The following RTN4RL1 variants were observed in gnomAD, a reference collection of about 807,000 sequenced individuals.
RTN4RL1 encodes the protein reticulon-4 receptor-like 1.
A neutral mutation model predicts 25.6 loss-of-function variants in RTN4RL1; 7 were observed. The ratio of observed to expected loss-of-function variants is 0.27; its 90% CI spans 0.16 to 0.51. The LOEUF is 0.51. RTN4RL1 is among the 20% of genes least tolerant of loss of function. RTN4RL1 has a pLI of 0.97. For missense variants in RTN4RL1, 500 were observed against 615.6 expected (o/e 0.81, Z 1.99); for synonymous variants, 297 against 288.2 (o/e 1.03, Z -0.31).
At chr17:1,980,523 G>C (rs1026103132) in intron 1 of RTN4RL1, among the ~76,000 whole-genome samples, 4 of 151,882 alleles carry the variant, frequency 2.6e-5, no homozygotes, top group Non-Finnish European at 5.9e-5. Flanking sequence ...CTCTGCCCTG[G>C]GTATTTGCCT....
intron 1 of RTN4RL1, among the ~76,000 whole-genome samples, chr17:1,943,190 A>T (rs910230027): frequency 6.6e-6 from 1 of 152,218 alleles, no homozygotes; most frequent in Non-Finnish European, 1.5e-5. Context: ...ACAAAGGAGG[A>T]AACGAGGCCC....
chr17:1,963,538 G>A (rs899761955), intron 1 of RTN4RL1, among the ~76,000 whole-genome samples: 1 of 152,204 alleles, frequency 6.6e-6, no homozygotes, highest in African/African-American at 2.4e-5. Flanking sequence ...CTGCCTCTGG[G>A]CTGTGTCCAC....
chr17:2,001,334 T>G (rs565504063), intron 1 of RTN4RL1: 1 of 152,142 alleles, frequency 6.6e-6, no homozygotes, highest in African/African-American at 2.4e-5. Flanking sequence ...AAGCTCCGCC[T>G]CCGGGTTCAC....
chr17:1,993,762 G>A (rs1396622874), intron 1 of RTN4RL1, among the ~76,000 whole-genome samples: 1 of 151,374 alleles, frequency 6.6e-6, no homozygotes, highest in Non-Finnish European at 1.5e-5. Flanking sequence ...GTTGGTTAGG[G>A]TGCCATCGCG....
chr17:1,950,096 A>AAGTGAGCAGAAGCTCACT (rs1396104951), intron 1 of RTN4RL1, among the ~76,000 whole-genome samples: 1 of 152,030 alleles, frequency 6.6e-6, no homozygotes, highest in South Asian at 2.1e-4. Context: ...GTCACTGAAG[A>AAGTGAGCAGAAGCTCACT]GCCCGGGGCG....
At chr17:2,005,000 A>G (rs2066983602) in intron 1 of RTN4RL1, among the ~76,000 whole-genome samples, 1 of 152,132 alleles carries the variant, frequency 6.6e-6, no homozygotes, top group African/African-American at 2.4e-5. Flanking sequence ...AGCTTTTTAA[A>G]TTTTTATTTA....
chr17:1,970,023 T>A (rs1007061267), intron 1 of RTN4RL1, among the ~76,000 whole-genome samples: 1 of 150,184 alleles, frequency 6.7e-6, no homozygotes, highest in Non-Finnish European at 1.5e-5. Flanking sequence ...CTCTCTCTTT[T>A]TTTTTTTTTT....
At chr17:2,001,819 G>A (rs900676271) in intron 1 of RTN4RL1, among the ~76,000 whole-genome samples, 1 of 152,278 alleles carries the variant, frequency 6.6e-6, no homozygotes, top group African/African-American at 2.4e-5. Flanking sequence ...GATGGGCTGC[G>A]GGAAGGGGTG....
chr17:1,961,838 C>T (rs62069174), intron 1 of RTN4RL1, among the ~76,000 whole-genome samples: 29,477 of 140,544 alleles, frequency 0.21, 3,507 homozygotes, highest in Middle Eastern at 0.33. Context: ...ATCCCAGCTA[C>T]TTGGGAGGCT....
chr17:1,992,047 G>T (rs567106186), intron 1 of RTN4RL1, among the ~76,000 whole-genome samples: 3 of 150,878 alleles, frequency 2.0e-5, no homozygotes, highest in East Asian at 3.9e-4. Flanking sequence ...CCACGTAGGA[G>T]CAAGGGTTGG....
At chr17:1,997,826 T>G (rs1431815272) in intron 1 of RTN4RL1, among the ~76,000 whole-genome samples, 1 of 151,678 alleles carries the variant, frequency 6.6e-6, no homozygotes, top group Non-Finnish European at 1.5e-5. Context: ...TTCACAGCCC[T>G]CCTACTCGGG....
At chr17:1,970,147 A>G (rs1316920334) in intron 1 of RTN4RL1, among the ~76,000 whole-genome samples, 1 of 151,156 alleles carries the variant, frequency 6.6e-6, no homozygotes, top group African/African-American at 2.4e-5. Flanking sequence ...TCAGCCTCCC[A>G]AGTAGCTGGG....
chr17:2,021,826 A>AT (rs2067209126), intron 1 of RTN4RL1, among the ~76,000 whole-genome samples: 1 of 137,460 alleles, frequency 7.3e-6, no homozygotes, highest in Non-Finnish European at 1.6e-5. Flanking sequence ...AAGTGCTGGG[A>AT]TTACAGGTGT....
chr17:1,972,055 T>C (rs533091946), intron 1 of RTN4RL1, among the ~76,000 whole-genome samples: 1 of 151,356 alleles, frequency 6.6e-6, no homozygotes, highest in East Asian at 1.9e-4. Context: ...GGAAGATCAC[T>C]TGGGCCCAGG....
chr17:1,999,976 T>C (rs113468708), intron 1 of RTN4RL1, among the ~76,000 whole-genome samples: 2,258 of 152,264 alleles, frequency 0.015, 64 homozygotes, highest in African/African-American at 0.052. Context: ...TGCTGACCAC[T>C]GGGCAGGCCA....
intron 1 of RTN4RL1, among the ~76,000 whole-genome samples, chr17:1,939,075 G>A (rs969762050): frequency 6.0e-5 from 9 of 150,934 alleles, no homozygotes; most frequent in South Asian, 2.1e-4. Context: ...AATAAAGGCC[G>A]GGAGCAGTGG....
intron 1 of RTN4RL1, among the ~76,000 whole-genome samples, chr17:1,963,591 C>A (rs1291769087): frequency 1.3e-5 from 2 of 152,204 alleles, no homozygotes. Context: ...ATCACCTGGG[C>A]CTCTAGGATC....
At chr17:2,022,209 G>A (rs1414085249) in intron 1 of RTN4RL1, among the ~76,000 whole-genome samples, 1 of 151,994 alleles carries the variant, frequency 6.6e-6, no homozygotes, top group African/African-American at 2.4e-5. Context: ...CTAGCTACTT[G>A]GGAGGCTGAG....
At chr17:1,973,455 T>C (rs907758565) in intron 1 of RTN4RL1, among the ~76,000 whole-genome samples, 1 of 149,372 alleles carries the variant, frequency 6.7e-6, no homozygotes, top group African/African-American at 2.5e-5. Context: ...TCACTTGAGG[T>C]TACAGTGAGC....
Sources: gnomAD v4.1 joint callset for allele counts (sites outside exome capture counted in the v4.1 genomes callset) on GRCh38, gnomAD v4.1.1 for gene constraint, MANE v1.5 for transcripts, NCBI Gene and HGNC (gene_info 2026-07-23, HGNC 2026-07-21) for gene names.